TAMM41: variants seen among roughly 807,000 people sequenced by gnomAD.
TAMM41 encodes the protein TAM41 mitochondrial translocator assembly and maintenance homolog.
TAMM41 carries 36 observed loss-of-function variants against 44.1 expected under a neutral mutation model. That is an observed-to-expected ratio of 0.82 (90% confidence interval 0.63 to 1.08). The LOEUF (loss-of-function observed/expected upper bound fraction) is 1.08. TAMM41 is among the 50% of genes least tolerant of loss of function. The probability of loss-of-function intolerance (pLI) is 0.00; values close to 1 mark genes in which losing one functional copy is unlikely to be tolerated. For synonymous variants in TAMM41, 164 were observed against 153.1 expected, an observed-to-expected ratio of 1.07 and a Z score of -0.53; for missense variants, 417 against 404.3, an observed-to-expected ratio of 1.03 and a Z score of -0.27.
At chr3:11,780,443 A>C in the TAMM41 span, among the ~76,000 whole-genome samples, 13 of 152,156 alleles carry the variant, frequency 8.5e-5, no homozygotes, top group Non-Finnish European at 1.2e-4. Context: ...TTCCCTCCAG[A>C]TTGGGAGAAC....
the TAMM41 span, among the ~76,000 whole-genome samples, chr3:11,726,416 C>G: frequency 6.6e-6 from 1 of 152,204 alleles, no homozygotes; most frequent in Non-Finnish European, 1.5e-5. Flanking sequence ...GCCTGGAGCC[C>G]TCTTTTGAGA....
At chr3:11,732,270 C>A in the TAMM41 span, among the ~76,000 whole-genome samples, 4 of 152,094 alleles carry the variant, frequency 2.6e-5, no homozygotes, top group South Asian at 2.1e-4. Context: ...CTTCCTTCCT[C>A]CCTCCCTCCC....
chr3:11,755,905 CCT>C, the TAMM41 span, among the ~76,000 whole-genome samples: 4 of 152,166 alleles, frequency 2.6e-5, no homozygotes, highest in East Asian at 1.9e-4. Context: ...CTGTTCGTCC[CCT>C]GACTGATGTT....
the TAMM41 span, among the ~76,000 whole-genome samples, chr3:11,764,138 G>C: frequency 6.6e-6 from 1 of 152,036 alleles, no homozygotes; most frequent in African/African-American, 2.4e-5. Context: ...CGAGTAGCTT[G>C]GACTACAGGT....
chr3:11,770,115 T>C, the TAMM41 span, among the ~76,000 whole-genome samples: 15,721 of 152,174 alleles, frequency 0.1, 1,014 homozygotes, highest in South Asian at 0.26. Flanking sequence ...ACAGGGGAGA[T>C]GTGTGATTGG....
At chr3:11,735,309 G>A in the TAMM41 span, among the ~76,000 whole-genome samples, 3 of 151,750 alleles carry the variant, frequency 2.0e-5, no homozygotes, top group Admixed American at 6.6e-5. Flanking sequence ...AGTGAGTTAC[G>A]ACTGCGCCAC....
At chr3:11,788,788 T>C (rs2077432204), downstream of TAMM41, among the ~76,000 whole-genome samples, 1 of 151,522 alleles carries the variant, frequency 6.6e-6, no homozygotes, top group African/African-American at 2.4e-5. Flanking sequence ...ATAGAAAAAA[T>C]TAGCTGGGCG....
At chr3:11,767,292 C>T in the TAMM41 span, among the ~76,000 whole-genome samples, 1 of 152,242 alleles carries the variant, frequency 6.6e-6, no homozygotes, top group South Asian at 2.1e-4. Context: ...TGGTCTCGAA[C>T]TCCTGACTTC....
At chr3:11,746,040 C>T in the TAMM41 span, among the ~76,000 whole-genome samples, 4 of 152,156 alleles carry the variant, frequency 2.6e-5, no homozygotes, top group African/African-American at 7.2e-5. Context: ...GTCGCTCACG[C>T]CTGTAATCCA....
intron 4 of TAMM41, among the ~76,000 whole-genome samples, chr3:11,819,478 C>A (rs2078424199): frequency 6.6e-6 from 1 of 152,130 alleles, no homozygotes; most frequent in South Asian, 2.1e-4. Context: ...GAAAGCATCC[C>A]AAATGTCCAA....
At chr3:11,805,798 T>A (rs1375897521) in intron 7 of TAMM41, among the ~76,000 whole-genome samples, 1 of 152,238 alleles carries the variant, frequency 6.6e-6, no homozygotes, top group African/African-American at 2.4e-5. Context: ...AGCATGTCTC[T>A]TTTCCCTTCT....
chr3:11,736,163 CA>C, the TAMM41 span, among the ~76,000 whole-genome samples: 1 of 152,130 alleles, frequency 6.6e-6, no homozygotes. Flanking sequence ...ATTTGCAGCC[CA>C]AATAAGAAAG....
chr3:11,809,708 G>A lies in TAMM41; in HGVS notation c.709-26C>T, dbSNP rs75178510. The A allele has an allele frequency of 5.4e-4, 853 of 1,585,062 alleles. 4 individuals are homozygous for A. In the African/African-American group the frequency reaches 0.01, roughly 19 times the overall value. ...CTGAAGGGAGGAAAAAAAAGACGAC[G>A]TCTATGGAAGTGCTTTAAATCCTAC... On this transcript the variant is annotated intron_variant, in intron 5 of 7. Transcript: ENST00000455809.
At chr3:11,733,712 G>T in the TAMM41 span, among the ~76,000 whole-genome samples, 1 of 151,894 alleles carries the variant, frequency 6.6e-6, no homozygotes, top group Admixed American at 6.6e-5. Flanking sequence ...AGCCAGGATG[G>T]TCTCGATCTC....
intron 7 of TAMM41, among the ~76,000 whole-genome samples, chr3:11,791,635 C>T (rs2077479770): frequency 6.6e-6 from 1 of 152,158 alleles, no homozygotes; most frequent in East Asian, 1.9e-4. Context: ...ACAGGTTTCG[C>T]TCTGGACATG....
At chr3:11,734,801 C>T in the TAMM41 span, among the ~76,000 whole-genome samples, 13 of 148,180 alleles carry the variant, frequency 8.8e-5, no homozygotes, top group African/African-American at 2.3e-4. Flanking sequence ...TTTGAGAGGC[C>T]GAGGCGGGTG....
rs573091912 is a variant in TAMM41, at chr3:11,836,718, C to A, written c.411+2504G>T. 2.6e-5 allele frequency among the ~76,000 whole-genome samples: 4 copies of A among 152,338 alleles called. No homozygotes were observed. The South Asian group carries it at 6.2e-4, about 24-fold the overall frequency. On this transcript the variant is annotated intron_variant, in intron 3 of 7. Coordinates refer to ENST00000455809, the MANE Select transcript of TAMM41 (RefSeq NM_001284401.2). ...ACCTCAAGTGATCCACCCGCCTCAG[C>A]CTCCCAAAGTGCTGAGATTACAGGC...
the TAMM41 span, among the ~76,000 whole-genome samples, chr3:11,730,412 C>A: frequency 7.3e-6 from 1 of 136,320 alleles, no homozygotes; most frequent in East Asian, 2.1e-4. Context: ...AGCAATACTT[C>A]ATCTCAAAAA....
chr3:11,756,359 G>A, the TAMM41 span, among the ~76,000 whole-genome samples: 2 of 152,166 alleles, frequency 1.3e-5, no homozygotes, highest in Non-Finnish European at 2.9e-5. Flanking sequence ...GCCATGCAGA[G>A]GAATAGGCAG....
Sources: gnomAD v4.1 joint callset for allele counts (sites outside exome capture counted in the v4.1 genomes callset) on GRCh38, gnomAD v4.1.1 for gene constraint, MANE v1.5 for transcripts, NCBI Gene and HGNC (gene_info 2026-07-23, HGNC 2026-07-21) for gene names.